The following ITGA1 variants were observed in gnomAD, a reference collection of about 807,000 sequenced individuals.
ITGA1 encodes the protein integrin subunit alpha 1.
In ITGA1, 85 loss-of-function variants were observed where a neutral mutation model predicts 145.9. The observed-to-expected ratio is 0.58, with a 90% CI of 0.49 to 0.70. The LOEUF (loss-of-function observed/expected upper bound fraction) is 0.70, where lower values mean the gene tolerates loss of function less well. ITGA1 is among the 30% of genes least tolerant of loss of function. The pLI, the probability that ITGA1 is intolerant of heterozygous loss-of-function variation, is 0.00. For missense variants in ITGA1, 1,351 were observed against 1,418.7 expected, an observed-to-expected ratio of 0.95 and a Z score of 0.77; for synonymous variants, 520 against 495.3, an observed-to-expected ratio of 1.05 and a Z score of -0.66.
intron 1 of ITGA1, among the ~76,000 whole-genome samples, chr5:52,833,252 A>G (rs948686235): frequency 3.3e-5 from 5 of 152,078 alleles, no homozygotes; most frequent in African/African-American, 1.2e-4. Context: ...TTAAAAGGCC[A>G]TCTTTGAAAA....
intron 1 of ITGA1, among the ~76,000 whole-genome samples, chr5:52,827,173 C>G (rs983530918): frequency 1.3e-5 from 2 of 151,584 alleles, no homozygotes; most frequent in African/African-American, 4.9e-5. Flanking sequence ...GATTTCCAAC[C>G]CTCATGGATG....
intron 27 of ITGA1, among the ~76,000 whole-genome samples, chr5:52,946,556 G>A (rs10940281): frequency 0.33 from 50,107 of 151,852 alleles, 8,496 homozygotes; most frequent in East Asian, 0.52. Context: ...AGAAATTGAG[G>A]TGTTACTGTT....
At chr5:52,852,549 G>A (rs1171377207) in intron 2 of ITGA1, among the ~76,000 whole-genome samples, 1 of 152,096 alleles carries the variant, frequency 6.6e-6, no homozygotes, top group Non-Finnish European at 1.5e-5. Flanking sequence ...TTTCTGTACT[G>A]GCTCATTGGG....
chr5:52,853,253 C>T (rs528414672), intron 2 of ITGA1, among the ~76,000 whole-genome samples: 1 of 152,264 alleles, frequency 6.6e-6, no homozygotes, highest in South Asian at 2.1e-4. Flanking sequence ...ATGGTAGCAG[C>T]ATATTGTTCT....
At chr5:52,847,286 C>T (rs1341398832) in intron 1 of ITGA1, among the ~76,000 whole-genome samples, 1 of 151,848 alleles carries the variant, frequency 6.6e-6, no homozygotes, top group Non-Finnish European at 1.5e-5. Context: ...AAAGCAGTTA[C>T]TATTGTCGCC....
chr5:52,844,745 T>C (rs1410368437), intron 1 of ITGA1, among the ~76,000 whole-genome samples: 1 of 150,290 alleles, frequency 6.7e-6, no homozygotes, highest in Non-Finnish European at 1.5e-5. Flanking sequence ...ATTTTTTGTA[T>C]TTTTTCTATA....
chr5:52,886,848 G>A (rs1466987669), intron 7 of ITGA1, among the ~76,000 whole-genome samples: 1 of 152,102 alleles, frequency 6.6e-6, no homozygotes, highest in Non-Finnish European at 1.5e-5. Context: ...GCGCGATCTT[G>A]GCTCACTGCA....
intron 3 of ITGA1, 148 bp downstream of exon 3, chr5:52,861,707 C>A: frequency 1.7e-6 from 1 of 597,604 alleles, no homozygotes; most frequent in Non-Finnish European, 3.0e-6. Context: ...CTCATCTCTA[C>A]AAAATATACA....
At chr5:52,884,822 C>T (rs1750021598) in intron 7 of ITGA1, among the ~76,000 whole-genome samples, 1 of 152,218 alleles carries the variant, frequency 6.6e-6, no homozygotes, top group South Asian at 2.1e-4. Flanking sequence ...GACCAGTTAT[C>T]TGACATCAGC....
intron 14 of ITGA1, among the ~76,000 whole-genome samples, chr5:52,911,056 CATAGTGTAT>C (rs1285235495): frequency 8.7e-6 from 1 of 115,452 alleles, no homozygotes; most frequent in Non-Finnish European, 1.7e-5. Flanking sequence ...ATATACTATA[CATAGTGTAT>C]ATAGTGTATA....
At chr5:52,892,110 T>A (rs1375157133) in intron 8 of ITGA1, among the ~76,000 whole-genome samples, 1 of 152,050 alleles carries the variant, frequency 6.6e-6, no homozygotes, top group Non-Finnish European at 1.5e-5. Flanking sequence ...CCAGACTATA[T>A]ACAGAACTCT....
At chr5:52,946,773 C>A (rs1561257675) in intron 27 of ITGA1, among the ~76,000 whole-genome samples, 1 of 151,998 alleles carries the variant, frequency 6.6e-6, no homozygotes, top group Non-Finnish European at 1.5e-5. Flanking sequence ...TACATGTGGA[C>A]CCAGTGATAA....
rs1371186982 is a variant in ITGA1 at position 52,954,807 on chromosome 5, A to C, written c.*2356A>C. On this transcript the variant is annotated 3_prime_UTR_variant, in exon 29 of 29. Coordinates refer to ENST00000282588, the MANE Select transcript of ITGA1 (RefSeq NM_181501.2). ...TCATTTTTATTAATATTTAGGTTTAACTTATAGTTCTGCAATTATTTAAAA... is the reference window on the plus strand; with the variant it reads ...TCATTTTTATTAATATTTAGGTTTACCTTATAGTTCTGCAATTATTTAAAA... 2 of 152,200 alleles carry C rather than the reference A, an allele frequency of 1.3e-5. No homozygotes were observed. The highest frequency in any genetic ancestry group is 4.8e-5 in the African/African-American group (2 of 41,454). 9.4% of individuals were successfully genotyped at this position (152,200 alleles called of 1,614,324 possible). A position where few individuals can be genotyped will look rare whatever the true frequency, so the allele number is the denominator to read the frequency against.
At chr5:52,826,141 T>G (rs1438814374) in intron 1 of ITGA1, among the ~76,000 whole-genome samples, 1 of 152,078 alleles carries the variant, frequency 6.6e-6, no homozygotes, top group Admixed American at 6.5e-5. Context: ...TGAAGAAAAT[T>G]AAGTGCTACT....
At chr5:52,865,407 T>C (rs1189515352) in intron 5 of ITGA1, among the ~76,000 whole-genome samples, 3 of 152,260 alleles carry the variant, frequency 2.0e-5, no homozygotes, top group South Asian at 2.1e-4. Context: ...TAAAAACTTA[T>C]ATAAAATTCA....
chr5:52,796,505 A>G (rs927325481), intron 1 of ITGA1, among the ~76,000 whole-genome samples: 1 of 152,184 alleles, frequency 6.6e-6, no homozygotes, highest in Non-Finnish European at 1.5e-5. Context: ...ATTTTTCTCA[A>G]TACTTTGCTC....
intron 1 of ITGA1, among the ~76,000 whole-genome samples, chr5:52,794,676 C>CA (rs1002732297): frequency 4.7e-5 from 7 of 150,298 alleles, no homozygotes; most frequent in South Asian, 2.1e-4. Context: ...ATAAAACAAA[C>CA]AAAAAAAACC....
intron 1 of ITGA1, among the ~76,000 whole-genome samples, chr5:52,812,616 A>C (rs1018076823): frequency 1.3e-5 from 2 of 152,184 alleles, no homozygotes; most frequent in Admixed American, 6.5e-5. Context: ...ACCTTGAGCA[A>C]GTAATGTTAC....
intron 6 of ITGA1, among the ~76,000 whole-genome samples, chr5:52,866,059 G>A (rs1212587804): frequency 6.6e-6 from 1 of 150,376 alleles, no homozygotes; most frequent in East Asian, 1.9e-4. Flanking sequence ...CTGTTGCCCA[G>A]GCTGGAGTGC....
Sources: allele counts gnomAD v4.1 joint callset (sites outside exome capture counted in the v4.1 genomes callset), GRCh38; gene constraint gnomAD v4.1.1; transcripts MANE v1.5; gene names NCBI Gene and HGNC (gene_info 2026-07-23, HGNC 2026-07-21).